Variants in SLC8A1 observed in about 807,000 individuals in gnomAD.
SLC8A1 encodes the protein solute carrier family 8 member A1.
Under a neutral mutation model 68.3 loss-of-function variants are expected in SLC8A1, and 18 were observed. The observed-to-expected ratio is 0.26, with a 90% CI of 0.18 to 0.39. The LOEUF (loss-of-function observed/expected upper bound fraction) is 0.39, where lower values mean the gene tolerates loss of function less well. Among genes scored for constraint, SLC8A1 ranks in the 10% least tolerant of loss-of-function variants. SLC8A1 has a pLI of 1.00. For missense variants in SLC8A1, 985 were observed against 1,156.7 expected (o/e 0.85, Z 2.15); for synonymous variants, 475 against 415.5 (o/e 1.14, Z -1.74).
rs1698189689 is a variant in SLC8A1 at position 40,431,138 on chromosome 2, CA to C, written c.-24-835del. 2.0e-5 allele frequency among the ~76,000 whole-genome samples: 3 copies of C among 152,090 alleles called. No homozygotes were observed. In the South Asian group the frequency reaches 6.2e-4, roughly 32 times the overall value. On this transcript the variant is annotated intron_variant, in intron 1 of 7. Coordinates refer to ENST00000406785, the Ensembl canonical transcript of SLC8A1. ...AAGCACAGCTCTTCACATCTGTGTA[CA>C]GAGCCTGTTTTTCTGCAGGCTGGAA...
At chr2:40,243,135 G>A (rs898331225) in intron 2 of SLC8A1, among the ~76,000 whole-genome samples, 1 of 152,136 alleles carries the variant, frequency 6.6e-6, no homozygotes, top group Non-Finnish European at 1.5e-5. Context: ...GTGATGCATG[G>A]AATATTAAGG....
intron 2 of SLC8A1, among the ~76,000 whole-genome samples, chr2:40,365,982 T>A (rs1676050207): frequency 7.7e-6 from 1 of 129,764 alleles, no homozygotes; most frequent in Non-Finnish European, 1.7e-5. Context: ...TGTGACAAAA[T>A]AAGACCCTGT....
Position 40,203,661 on chromosome 2 carries a change from A to C in SLC8A1, c.1809-25806T>G, listed in dbSNP as rs574736880. On this transcript the variant is annotated intron_variant, in intron 2 of 7. Transcript: ENST00000406785. Reference sequence around the variant, plus strand: ...AGATTAACTGTTAAAGTGCTGCTAAAGGTTGGGGGGATTACTTTAATCAAA... The same window carrying C: ...AGATTAACTGTTAAAGTGCTGCTAACGGTTGGGGGGATTACTTTAATCAAA... Among the ~76,000 whole-genome samples, 5 of 152,108 alleles carry C rather than the reference A, an allele frequency of 3.3e-5. No individual in the cohort carries two copies. In the East Asian group the frequency reaches 5.8e-4, roughly 18 times the overall value.
At chr2:40,222,934 T>C (rs1457315505) in intron 2 of SLC8A1, among the ~76,000 whole-genome samples, 1 of 152,162 alleles carries the variant, frequency 6.6e-6, no homozygotes, top group Non-Finnish European at 1.5e-5. Flanking sequence ...TATAAATTAG[T>C]TCAACCATTG....
At chr2:40,154,481 TTTC>T (rs537375954) in intron 6 of SLC8A1, among the ~76,000 whole-genome samples, 13,867 of 47,406 alleles carry the variant, frequency 0.29, 968 homozygotes, top group East Asian at 0.58. Flanking sequence ...TTTTTTTTCT[TTTC>T]TTTTTTTTTT....
At chr2:40,150,626 G>C (rs967786422) in intron 6 of SLC8A1, among the ~76,000 whole-genome samples, 10 of 152,166 alleles carry the variant, frequency 6.6e-5, no homozygotes, top group Admixed American at 2.0e-4. Flanking sequence ...CTGCGTTAGA[G>C]ACACGACTTC....
intron 2 of SLC8A1, among the ~76,000 whole-genome samples, chr2:40,379,519 C>A (rs954755890): frequency 6.6e-5 from 10 of 152,060 alleles, no homozygotes; most frequent in African/African-American, 2.4e-4. Context: ...AAAAGTGTCC[C>A]CCATGAACCC....
At chr2:40,198,937 G>GAA (rs71404283) in intron 2 of SLC8A1, among the ~76,000 whole-genome samples, 5,617 of 143,382 alleles carry the variant, frequency 0.039, 222 homozygotes, top group African/African-American at 0.11. Context: ...CTAATTTAAG[G>GAA]AAAAAAAAAA....
At chr2:40,424,346 G>A (rs1335909541) in intron 2 of SLC8A1, among the ~76,000 whole-genome samples, 1 of 151,546 alleles carries the variant, frequency 6.6e-6, no homozygotes, top group Non-Finnish European at 1.5e-5. Flanking sequence ...AGTCTATAGA[G>A]AATTCTATAG....
At chr2:40,462,342 T>C (rs980101167) in intron 1 of SLC8A1, among the ~76,000 whole-genome samples, 2 of 152,100 alleles carry the variant, frequency 1.3e-5, no homozygotes, top group Non-Finnish European at 2.9e-5. Context: ...AATCTAATAC[T>C]TTTTAATTCT....
At chr2:40,149,968 G>T (rs2043115322) in intron 6 of SLC8A1, among the ~76,000 whole-genome samples, 1 of 151,052 alleles carries the variant, frequency 6.6e-6, no homozygotes, top group African/African-American at 2.4e-5. Context: ...GCTTTATGGT[G>T]CAGCAGGAGC....
At chr2:40,391,325 T>C (rs751929624) in intron 2 of SLC8A1, among the ~76,000 whole-genome samples, 1 of 151,972 alleles carries the variant, frequency 6.6e-6, no homozygotes, top group Non-Finnish European at 1.5e-5. Flanking sequence ...AAAGTGATGT[T>C]CGTGGGACAT....
intron 2 of SLC8A1, among the ~76,000 whole-genome samples, chr2:40,247,821 G>A (rs1331313853): frequency 2.0e-5 from 3 of 152,174 alleles, no homozygotes; most frequent in African/African-American, 7.2e-5. Context: ...GAAGTTAAGT[G>A]ACTTTCTGAA....
intron 2 of SLC8A1, among the ~76,000 whole-genome samples, chr2:40,258,354 A>T (rs2064226502): frequency 6.6e-6 from 1 of 152,190 alleles, no homozygotes; most frequent in Admixed American, 6.5e-5. Flanking sequence ...GAAGCCACTT[A>T]CCTTCAGACG....
intron 2 of SLC8A1, among the ~76,000 whole-genome samples, chr2:40,208,762 G>C (rs1304814769): frequency 6.6e-6 from 1 of 152,118 alleles, no homozygotes; most frequent in Non-Finnish European, 1.5e-5. Context: ...GTTGAAATGA[G>C]AAACCAGAGG....
At chr2:40,239,240 T>G (rs767736324) in intron 2 of SLC8A1, among the ~76,000 whole-genome samples, 17 of 152,150 alleles carry the variant, frequency 1.1e-4, no homozygotes, top group Non-Finnish European at 2.5e-4. Flanking sequence ...AATTCTAGCT[T>G]TTTAGTGTCT....
At chr2:40,393,158 C>A (rs1427786670) in intron 2 of SLC8A1, among the ~76,000 whole-genome samples, 1 of 152,034 alleles carries the variant, frequency 6.6e-6, no homozygotes, top group Non-Finnish European at 1.5e-5. Context: ...ATGTCAAGAA[C>A]AAAGTTACAA....
rs568904404 is a variant in SLC8A1, at chr2:40,376,717, G to A, written c.1808+51756C>T. Among the ~76,000 whole-genome samples, 4 of 152,206 alleles carry A rather than the reference G, an allele frequency of 2.6e-5. No individual in the cohort carries two copies. In the South Asian group the frequency reaches 8.3e-4, roughly 32 times the overall value. ...AGTGAAATGGGAGACAAGGACCGATGATGCTTTGACTCTGTGTACTAACTG... is the reference window on the plus strand; with the variant it reads ...AGTGAAATGGGAGACAAGGACCGATAATGCTTTGACTCTGTGTACTAACTG... On this transcript the variant is annotated intron_variant, in intron 2 of 7. Coordinates refer to ENST00000406785, the Ensembl canonical transcript of SLC8A1.
At chr2:40,115,761 G>A (rs2035204687) in intron 7 of SLC8A1, 132 bp from the exon 11 acceptor site, 12 of 1,171,986 alleles carry the variant, frequency 1.0e-5, no homozygotes, top group Non-Finnish European at 1.4e-5. Context: ...TGGCTTTGAT[G>A]TTCCTCTGAG....
Sources: allele counts gnomAD v4.1 joint callset (sites outside exome capture counted in the v4.1 genomes callset), GRCh38; gene constraint gnomAD v4.1.1; transcripts MANE v1.5; gene names NCBI Gene and HGNC (gene_info 2026-07-23, HGNC 2026-07-21).